TACC2: variants seen among roughly 807,000 people sequenced by gnomAD.
TACC2 encodes transforming acidic coiled-coil containing protein 2.
In TACC2, 137 loss-of-function variants were observed where a neutral mutation model predicts 227.3. That is an observed-to-expected ratio of 0.60 (90% CI 0.52 to 0.69). TACC2 has a LOEUF of 0.69. TACC2 is among the 30% of genes least tolerant of loss of function. TACC2 has a pLI of 0.00. For synonymous variants in TACC2, 1,523 were observed against 1,487.5 expected, an observed-to-expected ratio of 1.02 and a Z score of -0.55; for missense variants, 3,470 against 3,694.4, an observed-to-expected ratio of 0.94 and a Z score of 1.57.
At chr10:122,228,742 A>G (rs939336657) in intron 14 of TACC2, among the ~76,000 whole-genome samples, 2 of 152,038 alleles carry the variant, frequency 1.3e-5, no homozygotes, top group Non-Finnish European at 2.9e-5. Flanking sequence ...AGCACCTACT[A>G]TGTGTTTGGC....
intron 6 of TACC2, among the ~76,000 whole-genome samples, chr10:122,142,012 A>G (rs2090641996): frequency 6.6e-6 from 1 of 152,230 alleles, no homozygotes; most frequent in Non-Finnish European, 1.5e-5. Context: ...CTTTTACAAA[A>G]TGATTAATTT....
rs35936023 is a variant in TACC2, at chr10:122,229,271, C to T, written c.7897-75C>T. The T allele has an allele frequency of 9.9e-3, 15,499 of 1,564,654 alleles. 108 individuals are homozygous for T. The highest frequency in any genetic ancestry group is 0.012 in the Non-Finnish European group (14,316 of 1,145,318). Reference sequence around the variant, plus strand: ...AAATGTCCAGCAAATGGCTGCATGGCCCTTGCTTGGAATCAATATCACTCT... The same window carrying T: ...AAATGTCCAGCAAATGGCTGCATGGTCCTTGCTTGGAATCAATATCACTCT... On this transcript the variant is annotated intron_variant, in intron 14 of 22. Transcript: ENST00000369005.
Position 122,173,398 on chromosome 10 carries a change from C to T in TACC2, c.5835-21642C>T, listed in dbSNP as rs547003360. On this transcript the variant is annotated intron_variant, in intron 7 of 22. Transcript: ENST00000369005. The stretch of plus-strand genomic sequence containing the variant: ...GGTCTGAAAAGAGAGCGGGGCTCCA[C>T]GCCCTGGGCTTTGGCTTGGCCCACG... 7.9e-5 allele frequency among the ~76,000 whole-genome samples: 12 copies of T among 152,344 alleles called. 1 individual carries two copies. The South Asian group carries it at 1.2e-3, about 16-fold the overall frequency.
At chr10:122,097,884 C>T in intron 5 of TACC2, among the ~76,000 whole-genome samples, 1 of 152,106 alleles carries the variant, frequency 6.6e-6, no homozygotes, top group East Asian at 1.9e-4. Context: ...ATCCCCACAG[C>T]CAGCTCAGCA....
At chr10:122,171,309 C>G (rs1283926515) in intron 7 of TACC2, among the ~76,000 whole-genome samples, 2 of 151,750 alleles carry the variant, frequency 1.3e-5, no homozygotes, top group South Asian at 2.1e-4. Context: ...AAAACAGAAG[C>G]CTTGGGCTCT....
chr10:122,252,317 A>G (rs771660566), intron 22 of TACC2, among the ~76,000 whole-genome samples: 5 of 152,108 alleles, frequency 3.3e-5, no homozygotes, highest in Non-Finnish European at 5.9e-5. Context: ...TCCTCACTGA[A>G]AAATGAGGAT....
intron 13 of TACC2, among the ~76,000 whole-genome samples, chr10:122,227,410 A>G (rs2095650384): frequency 6.6e-6 from 1 of 152,208 alleles, no homozygotes; most frequent in African/African-American, 2.4e-5. Context: ...GAGAACAATG[A>G]TGATGGTGGT....
At chr10:122,031,561 C>T (rs767215085) in intron 2 of TACC2, among the ~76,000 whole-genome samples, 10 of 151,614 alleles carry the variant, frequency 6.6e-5, no homozygotes, top group South Asian at 2.1e-4. Flanking sequence ...CCCACCACTG[C>T]GCCCGGCTAA....
chr10:122,181,956 T>G (rs2093984796), intron 7 of TACC2, among the ~76,000 whole-genome samples: 1 of 152,246 alleles, frequency 6.6e-6, no homozygotes, highest in African/African-American at 2.4e-5. Context: ...TGTACTGCTT[T>G]ATTGCACTGC....
intron 7 of TACC2, among the ~76,000 whole-genome samples, chr10:122,188,351 C>G (rs12360377): frequency 0.65 from 98,729 of 152,054 alleles, 33,068 homozygotes; most frequent in East Asian, 0.84. Context: ...GTGATCTTGG[C>G]TCACTACAAC....
At chr10:122,138,230 T>C (rs566148520) in intron 6 of TACC2, among the ~76,000 whole-genome samples, 48 of 152,118 alleles carry the variant, frequency 3.2e-4, no homozygotes, top group African/African-American at 9.4e-4. Flanking sequence ...GAATGATAGG[T>C]TGGGTGCGGT....
At chr10:122,236,200 C>G (rs2095854245) in intron 16 of TACC2, among the ~76,000 whole-genome samples, 1 of 152,146 alleles carries the variant, frequency 6.6e-6, no homozygotes, top group Admixed American at 6.5e-5. Flanking sequence ...AGGTCCTCCC[C>G]CTTCCCAGTT....
chr10:121,996,453 G>A (rs1953512365), intron 1 of TACC2, among the ~76,000 whole-genome samples: 1 of 151,956 alleles, frequency 6.6e-6, no homozygotes, highest in South Asian at 2.1e-4. Context: ...TGAGGGATCC[G>A]CCCCCATGAC....
At chr10:122,193,391 C>T (rs1392844982) in intron 7 of TACC2, among the ~76,000 whole-genome samples, 1 of 152,162 alleles carries the variant, frequency 6.6e-6, no homozygotes, top group Non-Finnish European at 1.5e-5. Flanking sequence ...GGTTTGGTTC[C>T]TGGTGCTCTC....
chr10:122,146,555 C>G (rs2091402150), intron 7 of TACC2, among the ~76,000 whole-genome samples: 2 of 152,032 alleles, frequency 1.3e-5, no homozygotes, highest in African/African-American at 4.8e-5. Context: ...AAGACCCGAG[C>G]TAGCTTACTC....
intron 7 of TACC2, among the ~76,000 whole-genome samples, chr10:122,152,999 C>CTTTTTTTT (rs150943859): frequency 1.5e-5 from 2 of 135,024 alleles, no homozygotes; most frequent in Admixed American, 7.8e-5. Flanking sequence ...TTCTTTCTTT[C>CTTTTTTTT]TTTTTTTTTT....
chr10:122,083,040 G>A lies in TACC2; in HGVS notation c.540G>A (p.Lys180=). 6.2e-7 allele frequency: 1 copy of A among 1,612,520 alleles called. No homozygotes were observed. The highest frequency in any genetic ancestry group is 2.2e-5 in the East Asian group (1 of 44,850). ...VPSAGRERQP[K]EEGQKSSFSF... is the part of the protein sequence containing the mutation. ...GTGCTGGAAGAGAGAGACAGCCGAA[G>A]GAAGAAGGACAGAAGTCCTCCTTCT... Residue 180 remains lysine (K), a synonymous_variant, in exon 4 of 23, where the codon AAG becomes AAA. Coordinates refer to ENST00000369005, the MANE Select transcript of TACC2 (RefSeq NM_206862.4).
intron 8 of TACC2, among the ~76,000 whole-genome samples, chr10:122,203,588 TCTCAGAAGATG>T (rs1295728445): frequency 2.1e-5 from 3 of 141,560 alleles, no homozygotes; most frequent in Non-Finnish European, 4.6e-5. Flanking sequence ...GCTCCCCACA[TCTCAGAAGATG>T]GGCGGCCGGG....
chr10:122,145,095 C>G (rs1028072548), intron 7 of TACC2, among the ~76,000 whole-genome samples: 4 of 152,220 alleles, frequency 2.6e-5, no homozygotes, highest in African/African-American at 9.6e-5. Context: ...AATACAATTA[C>G]TCTTCTCAAA....
Sources: allele counts gnomAD v4.1 joint callset (sites outside exome capture counted in the v4.1 genomes callset), GRCh38; gene constraint gnomAD v4.1.1; transcripts MANE v1.5; gene names NCBI Gene and HGNC (gene_info 2026-07-23, HGNC 2026-07-21).